CSMD1: variants seen among roughly 807,000 people sequenced by gnomAD.
CSMD1 encodes CUB and sushi domain-containing protein 1.
CSMD1 carries 213 observed loss-of-function variants against 417.5 expected under a neutral mutation model. The ratio of observed to expected loss-of-function variants is 0.51; its 90% confidence interval spans 0.46 to 0.57. The LOEUF is 0.57. Among genes scored for constraint, CSMD1 ranks in the 20% least tolerant of loss-of-function variants. The probability of loss-of-function intolerance (pLI) is 0.00; values close to 1 mark genes in which losing one functional copy is unlikely to be tolerated. For missense variants in CSMD1, 6,923 were observed against 4,529.7 expected, an observed-to-expected ratio of 1.53 and a Z score of -15.17; for synonymous variants, 2,862 against 1,736.8, an observed-to-expected ratio of 1.65 and a Z score of -16.11.
intron 2 of CSMD1, among the ~76,000 whole-genome samples, chr8:4,465,521 G>A (rs1362763076): frequency 6.6e-6 from 1 of 152,142 alleles, no homozygotes; most frequent in Non-Finnish European, 1.5e-5. Context: ...GGGGGATATG[G>A]AAGCACATAC....
chr8:3,499,285 G>C (rs988524621), intron 10 of CSMD1, among the ~76,000 whole-genome samples: 4 of 152,200 alleles, frequency 2.6e-5, no homozygotes, highest in Non-Finnish European at 5.9e-5. Flanking sequence ...GTAGCTGTCT[G>C]AGTAGCCTTG....
chr8:4,275,400 G>C (rs905791048), intron 3 of CSMD1, among the ~76,000 whole-genome samples: 2 of 152,058 alleles, frequency 1.3e-5, no homozygotes, highest in African/African-American at 2.4e-5. Context: ...TAAAGGAAAG[G>C]ACAAAGGAGA....
intron 26 of CSMD1, among the ~76,000 whole-genome samples, chr8:3,249,013 T>C (rs1800080185): frequency 6.6e-6 from 1 of 152,122 alleles, no homozygotes; most frequent in South Asian, 2.1e-4. Context: ...TCAGATGCTG[T>C]AATTGTCCTG....
chr8:4,027,293 G>C (rs796162137), intron 4 of CSMD1, among the ~76,000 whole-genome samples: 3 of 152,264 alleles, frequency 2.0e-5, no homozygotes, highest in African/African-American at 7.2e-5. Context: ...AGGAGAGAGT[G>C]AGTCAGGAGT....
intron 41 of CSMD1, among the ~76,000 whole-genome samples, chr8:3,141,806 T>TC (rs1396461608): frequency 6.6e-6 from 1 of 150,894 alleles, no homozygotes; most frequent in Non-Finnish European, 1.5e-5. Flanking sequence ...TTATCTTTTT[T>TC]TTTTTTTCTG....
intron 3 of CSMD1, among the ~76,000 whole-genome samples, chr8:4,195,872 T>TA (rs1327032366): frequency 2.0e-5 from 3 of 152,076 alleles, no homozygotes; most frequent in Non-Finnish European, 2.9e-5. Flanking sequence ...ATGCGAGACT[T>TA]ACGGCAGAGG....
chr8:4,311,890 TAC>T (rs1798604069), intron 3 of CSMD1, among the ~76,000 whole-genome samples: 2 of 151,934 alleles, frequency 1.3e-5, no homozygotes, highest in Non-Finnish European at 2.9e-5. Flanking sequence ...GATCAAATAA[TAC>T]ATGCAACGAA....
Position 3,139,521 on chromosome 8 carries a change from A to G in CSMD1, c.6241+2944T>C, listed in dbSNP as rs139585991. ...TGACATTAACATCTCCTGCAATAGA[A>G]GATCTTGTCGATAGAAGACCCCATC... On this transcript the variant is annotated intron_variant, in intron 41 of 69. Coordinates refer to ENST00000635120, the MANE Select transcript of CSMD1 (RefSeq NM_033225.6). Among the ~76,000 whole-genome samples, 811 of 152,284 alleles carry G rather than the reference A, an allele frequency of 5.3e-3. 10 individuals carry two copies. Among genetic ancestry groups the G allele is most frequent in the African/African-American group, 0.018 (768 of 41,538 alleles).
intron 5 of CSMD1, among the ~76,000 whole-genome samples, chr8:3,889,509 G>C (rs1199375124): frequency 2.1e-5 from 2 of 96,602 alleles, no homozygotes; most frequent in Admixed American, 1.2e-4. Flanking sequence ...TGCTCATTAG[G>C]TCATGATATA....
rs1585022259 is a variant in CSMD1, at chr8:2,937,035, A to G, written c.*1550T>C. The G allele has an allele frequency of 6.6e-6, 1 of 152,232 alleles. No individual in the cohort carries two copies. Among genetic ancestry groups the G allele is most frequent in the African/African-American group, 2.4e-5 (1 of 41,462 alleles). 9.4% of individuals were successfully genotyped at this position (152,232 alleles called of 1,614,324 possible). Reference sequence around the variant, plus strand: ...AAATAAGTACTATCGTTTCAAAAATATTTTTATCAAATAAGTATAAGTAAA... The same window carrying G: ...AAATAAGTACTATCGTTTCAAAAATGTTTTTATCAAATAAGTATAAGTAAA... On this transcript the variant is annotated 3_prime_UTR_variant, in exon 70 of 70. Coordinates refer to ENST00000635120, the MANE Select transcript of CSMD1 (RefSeq NM_033225.6).
chr8:4,781,082 T>C (rs1476258098), intron 1 of CSMD1, among the ~76,000 whole-genome samples: 2 of 152,224 alleles, frequency 1.3e-5, no homozygotes, highest in Middle Eastern at 3.2e-3. Flanking sequence ...GCCGTCTTGT[T>C]AAGATACACT....
chr8:4,740,355 A>T (rs1013717279), intron 1 of CSMD1, among the ~76,000 whole-genome samples: 5 of 152,122 alleles, frequency 3.3e-5, no homozygotes, highest in African/African-American at 1.2e-4. Context: ...ATTTAAATCC[A>T]AGGATTTATT....
chr8:3,652,811 G>T (rs143997728), intron 7 of CSMD1, among the ~76,000 whole-genome samples: 1 of 152,128 alleles, frequency 6.6e-6, no homozygotes, highest in Non-Finnish European at 1.5e-5. Context: ...ATAAAGTCCT[G>T]GGGGCAAGAC....
chr8:4,340,548 T>C (rs1454415556), intron 3 of CSMD1, among the ~76,000 whole-genome samples: 1 of 152,068 alleles, frequency 6.6e-6, no homozygotes. Context: ...CAAAGCAGGA[T>C]TGTCCAAGGG....
rs868321241 is a variant in CSMD1 at position 4,331,042 on chromosome 8, T to C, written c.415+88911A>G. ...GCATTATCTTACACATACTGCAGAT[T>C]CAATAACTATTTCTTCATAATTTTT... On this transcript the variant is annotated intron_variant, in intron 3 of 69. Coordinates refer to ENST00000635120, the MANE Select transcript of CSMD1 (RefSeq NM_033225.6). 2.0e-5 allele frequency among the ~76,000 whole-genome samples: 3 copies of C among 152,334 alleles called. 1 individual carries two copies. The South Asian group carries it at 6.2e-4, about 32-fold the overall frequency.
intron 5 of CSMD1, among the ~76,000 whole-genome samples, chr8:3,809,601 C>T (rs1800948573): frequency 2.0e-5 from 3 of 151,992 alleles, no homozygotes; most frequent in African/African-American, 4.8e-5. Flanking sequence ...GCCCCACCTG[C>T]AGAGTGTCTA....
chr8:3,765,750 C>G (rs1350749633), intron 5 of CSMD1, among the ~76,000 whole-genome samples: 2 of 152,202 alleles, frequency 1.3e-5, no homozygotes, highest in African/African-American at 4.8e-5. Flanking sequence ...GGGGTGAGAT[C>G]TGGCATCCTC....
At chr8:4,143,118 G>C (rs930995268) in intron 3 of CSMD1, among the ~76,000 whole-genome samples, 3 of 139,352 alleles carry the variant, frequency 2.2e-5, no homozygotes, top group Admixed American at 1.4e-4. Flanking sequence ...GGAAACTATG[G>C]AGGATTGGAA....
At chr8:4,972,404 C>A (rs1194055578) in intron 1 of CSMD1, among the ~76,000 whole-genome samples, 1 of 152,092 alleles carries the variant, frequency 6.6e-6, no homozygotes, top group Non-Finnish European at 1.5e-5. Flanking sequence ...CTCATGATAG[C>A]AAGTGAATTC....
Sources: allele counts gnomAD v4.1 joint callset (sites outside exome capture counted in the v4.1 genomes callset), GRCh38; gene constraint gnomAD v4.1.1; transcripts MANE v1.5; gene names NCBI Gene and HGNC (gene_info 2026-07-23, HGNC 2026-07-21).